Variants in GRIP1 observed in about 807,000 individuals in gnomAD.
The protein encoded by GRIP1 is glutamate receptor interacting protein 1.
In GRIP1, 45 loss-of-function variants were observed where a neutral mutation model predicts 129.9. The ratio of observed to expected loss-of-function variants is 0.35; its 90% CI spans 0.27 to 0.44. The LOEUF is 0.44. Among genes scored for constraint, GRIP1 ranks in the 20% least tolerant of loss-of-function variants. The pLI is 1.00. For missense variants in GRIP1, 1,196 were observed against 1,396.8 expected, an observed-to-expected ratio of 0.86 and a Z score of 2.29; for synonymous variants, 530 against 520.8, an observed-to-expected ratio of 1.02 and a Z score of -0.24.
At chr12:66,943,427 A>C (rs1249707228) in intron 1 of GRIP1, among the ~76,000 whole-genome samples, 3 of 152,256 alleles carry the variant, frequency 2.0e-5, no homozygotes, top group Non-Finnish European at 4.4e-5. Context: ...ATGTAACAAC[A>C]TAACTGATAT....
At chr12:66,378,647 TGA>T (rs1236622188) in intron 20 of GRIP1, among the ~76,000 whole-genome samples, 10 of 147,366 alleles carry the variant, frequency 6.8e-5, no homozygotes, top group Non-Finnish European at 1.5e-4. Context: ...CTCGGGAGGC[TGA>T]GACGAGAATC....
At chr12:66,414,993 T>TATAAAATAAAATAAAATAAAATAAAA (rs1282938491) in intron 15 of GRIP1, among the ~76,000 whole-genome samples, 1 of 99,032 alleles carries the variant, frequency 1.0e-5, no homozygotes, top group African/African-American at 4.1e-5. Context: ...ATAAAATGGA[T>TATAAAATAAAATAAAATAAAATAAAA]TAAAGACTTA....
At chr12:67,044,740 T>C (rs1209956432) in intron 1 of GRIP1, among the ~76,000 whole-genome samples, 4 of 152,162 alleles carry the variant, frequency 2.6e-5, no homozygotes, top group African/African-American at 9.7e-5. Context: ...CAGAGTCCTA[T>C]CATATGCTGT....
At chr12:66,708,244 A>C (rs1055458539) in intron 1 of GRIP1, among the ~76,000 whole-genome samples, 3 of 152,020 alleles carry the variant, frequency 2.0e-5, no homozygotes, top group Admixed American at 6.6e-5. Flanking sequence ...GCTTTTTTAC[A>C]TCAATAATTG....
intron 1 of GRIP1, among the ~76,000 whole-genome samples, chr12:66,949,137 T>C (rs568298073): frequency 6.6e-6 from 1 of 152,270 alleles, no homozygotes; most frequent in African/African-American, 2.4e-5. Flanking sequence ...TGCTTAAATT[T>C]TGTTGAGAAT....
intron 1 of GRIP1, among the ~76,000 whole-genome samples, chr12:66,740,759 T>C (rs949724744): frequency 1.3e-5 from 2 of 152,070 alleles, no homozygotes; most frequent in South Asian, 2.1e-4. Context: ...CTCATGAATA[T>C]ATAATGAGAT....
At chr12:66,982,122 C>CA in intron 1 of GRIP1, among the ~76,000 whole-genome samples, 1 of 152,140 alleles carries the variant, frequency 6.6e-6, no homozygotes, top group Non-Finnish European at 1.5e-5. Context: ...AACAGAAGGT[C>CA]AAAGATGTTA....
intron 11 of GRIP1, among the ~76,000 whole-genome samples, chr12:66,451,633 C>T (rs2058809959): frequency 6.6e-6 from 1 of 151,904 alleles, no homozygotes; most frequent in Non-Finnish European, 1.5e-5. Flanking sequence ...TGGTCTCAAA[C>T]TCCTGGGCTC....
chr12:66,538,282 C>T (rs888566985), intron 4 of GRIP1, among the ~76,000 whole-genome samples: 2 of 151,920 alleles, frequency 1.3e-5, no homozygotes, highest in Non-Finnish European at 2.9e-5. Context: ...TCACTGCAGC[C>T]TCGACCTTCT....
intron 2 of GRIP1, among the ~76,000 whole-genome samples, chr12:66,547,838 T>A (rs1036699823): frequency 2.0e-5 from 3 of 152,190 alleles, no homozygotes; most frequent in African/African-American, 7.2e-5. Context: ...ATGTTCTGTA[T>A]CTTGACTCCA....
At chr12:66,942,282 G>A (rs1177202979) in intron 1 of GRIP1, among the ~76,000 whole-genome samples, 1 of 147,628 alleles carries the variant, frequency 6.8e-6, no homozygotes, top group African/African-American at 2.4e-5. Flanking sequence ...CAATTTTTCT[G>A]TTCTTATTTT....
In GRIP1 at chr12:67,044,876, C is replaced by G. The variant is rs142807585; in HGVS notation, c.58+24174G>C. The stretch of plus-strand genomic sequence containing the variant: ...TAGCCAGCACTATAGTAATTCTTAT[C>G]GAGAACTATGCACAGAATGCTTTAT... On this transcript the variant is annotated intron_variant, in intron 1 of 1. Coordinates refer to the GRIP1 transcript ENST00000643019. Among the ~76,000 whole-genome samples, 1,106 of 152,260 alleles carry G rather than the reference C, an allele frequency of 7.3e-3. 14 individuals carry two copies. The highest frequency in any genetic ancestry group is 0.025 in the African/African-American group (1,036 of 41,558).
Position 67,064,934 on chromosome 12 carries a change from G to A in GRIP1, c.58+4116C>T, listed in dbSNP as rs369824438. 6.0e-3 allele frequency: 741 copies of A among 124,410 alleles called. 9 individuals carry two copies. The highest frequency in any genetic ancestry group is 0.023 in the African/African-American group (712 of 31,498). The allele number at this position is 124,410 out of a possible 1,614,324, so 7.7% of individuals were successfully genotyped here. On this transcript the variant is annotated intron_variant, in intron 1 of 1. Coordinates refer to the GRIP1 transcript ENST00000643019. ...CACCCCACAACAATCCCCAGAGTGT[G>A]ATGTTCCCCTTCCTGTGTCCATGTG...
intron 1 of GRIP1, among the ~76,000 whole-genome samples, chr12:66,839,099 G>T (rs1011345695): frequency 6.6e-6 from 1 of 151,986 alleles, no homozygotes; most frequent in Non-Finnish European, 1.5e-5. Flanking sequence ...AAAAAAATTA[G>T]ACTAATTTGA....
intron 1 of GRIP1, among the ~76,000 whole-genome samples, chr12:66,784,593 A>T (rs1044047644): frequency 3.3e-5 from 5 of 152,112 alleles, no homozygotes; most frequent in African/African-American, 4.8e-5. Context: ...GTTAGCACCT[A>T]ATCTATTTGC....
chr12:66,868,654 T>C (rs1273488597), intron 1 of GRIP1, among the ~76,000 whole-genome samples: 2 of 151,902 alleles, frequency 1.3e-5, no homozygotes, highest in African/African-American at 4.8e-5. Flanking sequence ...CTCAAAATGG[T>C]AAAACTAAAG....
At chr12:66,906,891 C>T (rs1056667772) in intron 1 of GRIP1, among the ~76,000 whole-genome samples, 1 of 152,108 alleles carries the variant, frequency 6.6e-6, no homozygotes, top group African/African-American at 2.4e-5. Flanking sequence ...AGAAAAGGTT[C>T]CCATAGACCT....
intron 7 of GRIP1, among the ~76,000 whole-genome samples, chr12:66,490,955 A>G (rs2060089314): frequency 6.6e-6 from 1 of 152,166 alleles, no homozygotes; most frequent in African/African-American, 2.4e-5. Context: ...AAAAGTCAAG[A>G]AACAACAGAT....
chr12:66,623,168 T>TAAA (rs2065349243), intron 1 of GRIP1, among the ~76,000 whole-genome samples: 1 of 152,162 alleles, frequency 6.6e-6, no homozygotes, highest in African/African-American at 2.4e-5. Context: ...TTACAAGAAA[T>TAAA]ATTTTCATGG....
Sources: allele counts gnomAD v4.1 joint callset (sites outside exome capture counted in the v4.1 genomes callset), GRCh38; gene constraint gnomAD v4.1.1; transcripts MANE v1.5; gene names NCBI Gene and HGNC (gene_info 2026-07-23, HGNC 2026-07-21).